MAU2: variants seen among roughly 807,000 people sequenced by gnomAD.
MAU2 encodes the protein MAU2 chromatid cohesion factor homolog.
A neutral mutation model predicts 89.1 loss-of-function variants in MAU2; 9 were observed. The observed-to-expected ratio is 0.10, with a 90% CI of 0.06 to 0.18. MAU2 has a LOEUF of 0.18. Ranked by LOEUF, MAU2 falls within the 10% of genes least tolerant of loss-of-function variation. The probability of loss-of-function intolerance (pLI) is 1.00; values close to 1 mark genes in which losing one functional copy is unlikely to be tolerated. For missense variants in MAU2, 425 were observed against 803.5 expected (o/e 0.53, Z 5.69); for synonymous variants, 357 against 343.4 (o/e 1.04, Z -0.44).
chr19:19,345,048 A>C lies in MAU2; in HGVS notation c.1155+122A>C. 1.1e-6 allele frequency: 1 copy of C among 927,946 alleles called. No individual in the cohort carries two copies. Among genetic ancestry groups the C allele is most frequent in the Non-Finnish European group, 1.7e-6 (1 of 593,456 alleles). The allele number at this position is 927,946 out of a possible 1,614,324, so 57.5% of individuals were successfully genotyped here. ...TGACAGCACCCTAATCAGAATCCGGAATGTTCCCATAGGTAATCATATAAC... is the reference window on the plus strand; with the variant it reads ...TGACAGCACCCTAATCAGAATCCGGCATGTTCCCATAGGTAATCATATAAC... On this transcript the variant is annotated intron_variant, in intron 11 of 18. Coordinates refer to ENST00000262815, the MANE Select transcript of MAU2 (RefSeq NM_015329.4). The surrounding 1 kb of genome is among the most constrained non-coding windows in gnomAD (Gnocchi z 4.9).
intron 4 of MAU2, among the ~76,000 whole-genome samples, chr19:19,337,628 A>G (rs1345582005): frequency 2.6e-5 from 4 of 152,138 alleles, no homozygotes; most frequent in Admixed American, 2.6e-4. Flanking sequence ...TTGAAATCCC[A>G]GGAACATTTC....
At chr19:19,329,619 A>G (rs1009136) in intron 1 of MAU2, among the ~76,000 whole-genome samples, 86,684 of 151,898 alleles carry the variant, frequency 0.57, 26,300 homozygotes, top group East Asian at 0.68. Context: ...AGGCCAGGGA[A>G]GCTGCTAAAT....
Position 19,329,374 on chromosome 19 carries a change from C to T in MAU2, c.277-6344C>T, listed in dbSNP as rs2061537023. Among the ~76,000 whole-genome samples, 5 of 152,314 alleles carry T rather than the reference C, an allele frequency of 3.3e-5. No individual in the cohort carries two copies. In the South Asian group the frequency reaches 8.3e-4, roughly 25 times the overall value. ...AATCTGTTTAGGAACCATCACCTCA[C>T]GGTTCTACCAGCTGGTCCCTTCCTC... On this transcript the variant is annotated intron_variant, in intron 1 of 18. Transcript: ENST00000262815.
chr19:19,342,601 G>A lies in MAU2; in HGVS notation c.802G>A (p.Asp268Asn). Residue 268 changes from aspartate to asparagine, a missense_variant, in exon 8 of 19, where the codon GAT (aspartate) becomes AAT (asparagine). This residue lies in a region of MAU2 where 119 missense variants were observed against 299.8 expected (regional missense o/e 0.40). Coordinates refer to ENST00000262815, the MANE Select transcript of MAU2 (RefSeq NM_015329.4). ...CATCCAGACCATCTCCACACTGCAC[G>A]ATGATGAGATCCTGCCCAGCAACCC... ...QCIQTISTLH[D>N]DEILPSNPAD... The A allele has an allele frequency of 6.2e-7, 1 of 1,613,042 alleles. No homozygotes were observed. The highest frequency in any genetic ancestry group is 8.5e-7 in the Non-Finnish European group (1 of 1,179,454).
rs745852781 is a variant in MAU2, at chr19:19,321,169, C to G, written c.276+34C>G. 26 of 1,548,108 alleles carry G rather than the reference C, an allele frequency of 1.7e-5. 1 individual carries two copies. Among genetic ancestry groups the G allele is most frequent in the South Asian group, 1.6e-4 (13 of 83,768 alleles). ...GGGCCGGGCCGCGAGGGAGGAGTCG[C>G]GGGCTCCTTGCAAGATCTGGGCTGA... On this transcript the variant is annotated intron_variant, in intron 1 of 18. Coordinates refer to ENST00000262815, the MANE Select transcript of MAU2 (RefSeq NM_015329.4).
chr19:19,340,499 C>T (rs1473917056), intron 5 of MAU2, among the ~76,000 whole-genome samples: 1 of 151,470 alleles, frequency 6.6e-6, no homozygotes, highest in East Asian at 2.0e-4. Context: ...ATTAGCCGGG[C>T]GTGGTGGCGG....
chr19:19,334,326 G>A, intron 1 of MAU2: 1 of 985,594 alleles, frequency 1.0e-6, no homozygotes, highest in Non-Finnish European at 1.2e-6. Flanking sequence ...TGTGGTCTGG[G>A]CTCCTGCGTG....
In MAU2 at chr19:19,355,148, C is replaced by T; in HGVS notation, c.1640-116C>T. 4.4e-6 allele frequency: 6 copies of T among 1,361,594 alleles called. No homozygotes were observed. The Admixed American group carries it at 8.3e-5, about 19-fold the overall frequency. The allele number at this position is 1,361,594 out of a possible 1,614,324, so 84.3% of individuals were successfully genotyped here. On this transcript the variant is annotated intron_variant, in intron 17 of 18. Coordinates refer to ENST00000262815, the MANE Select transcript of MAU2 (RefSeq NM_015329.4). Reference sequence around the variant, plus strand: ...CTCAGGTCCAGTGACGTGCCAGGCACCCAGAGATCCACCAGTGCAGCTGGG... The same window carrying T: ...CTCAGGTCCAGTGACGTGCCAGGCATCCAGAGATCCACCAGTGCAGCTGGG...
At chr19:19,322,776 A>G (rs2061471984) in intron 1 of MAU2, among the ~76,000 whole-genome samples, 1 of 152,210 alleles carries the variant, frequency 6.6e-6, no homozygotes, top group South Asian at 2.1e-4. Context: ...AAACTCATTA[A>G]TCTGAGGTAA....
intron 1 of MAU2, among the ~76,000 whole-genome samples, chr19:19,333,945 A>G (rs1211717683): frequency 6.6e-6 from 1 of 152,058 alleles, no homozygotes; most frequent in East Asian, 1.9e-4. Flanking sequence ...CCCAAATCAG[A>G]ACCACCAAAT....
rs767149784 is a variant in MAU2 at position 19,335,752 on chromosome 19, G to T, written c.294+17G>T. ...TCACAGCAAGTATCCTTTCCGTGTT[G>T]GTATGGTTCCCTTTAAGGAATTCTC... On this transcript the variant is annotated intron_variant, in intron 2 of 18. Coordinates refer to ENST00000262815, the MANE Select transcript of MAU2 (RefSeq NM_015329.4). 5 of 1,613,350 alleles carry T rather than the reference G, an allele frequency of 3.1e-6. No individual in the cohort carries two copies. In the Admixed American group the frequency reaches 8.3e-5, roughly 27 times the overall value.
chr19:19,340,919 G>A (rs2061639635), intron 6 of MAU2, 46 bp downstream of exon 6: 2 of 1,610,730 alleles, frequency 1.2e-6, no homozygotes, highest in East Asian at 4.5e-5. Flanking sequence ...TGTTGTGGAG[G>A]TGAGGCAGGG....
At chr19:19,343,531 CACATTTCT>C (rs1748984797) in intron 9 of MAU2, among the ~76,000 whole-genome samples, 5 of 152,220 alleles carry the variant, frequency 3.3e-5, no homozygotes, top group African/African-American at 7.2e-5. Context: ...GGGTGGTTTC[CACATTTCT>C]ACATTTCTAG....
At chr19:19,330,260 G>A (rs960395980) in intron 1 of MAU2, among the ~76,000 whole-genome samples, 6 of 151,624 alleles carry the variant, frequency 4.0e-5, no homozygotes, top group Admixed American at 6.6e-5. Context: ...GATTACAGGC[G>A]TGAGCCATTG....
chr19:19,344,721 G>T, intron 10 of MAU2, 128 bp from the exon 11 acceptor site: 2 of 708,122 alleles, frequency 2.8e-6, no homozygotes, highest in Non-Finnish European at 5.0e-6. Context: ...TGTCTGCTGG[G>T]GCTTTGTACC....
At chr19:19,347,643 C>G (rs2061704543) in intron 13 of MAU2, 1 of 336,338 alleles carries the variant, frequency 3.0e-6, no homozygotes, top group Non-Finnish European at 5.5e-6. Flanking sequence ...CAGACAAGGT[C>G]TTATAGCCCA....
chr19:19,343,890 A>G lies in MAU2; in HGVS notation c.1027A>G (p.Ile343Val), dbSNP rs756812879. 1.2e-6 allele frequency: 2 copies of G among 1,613,720 alleles called. No homozygotes were observed. The highest frequency in any genetic ancestry group is 1.7e-6 in the Non-Finnish European group (2 of 1,180,036). Residue 343 changes from isoleucine to valine, a missense_variant, in exon 10 of 19, where the codon ATC (isoleucine) becomes GTC (valine). Ile to Val is a conservative substitution (Grantham distance 29). Coordinates refer to ENST00000262815, the MANE Select transcript of MAU2 (RefSeq NM_015329.4). Reference protein sequence around the residue: ...SSFQVILLEHIIMCRLVTGHK... With the variant: ...SSFQVILLEHVIMCRLVTGHK... Reference sequence around the variant, plus strand: ...CTTCCAAGTGATCCTGCTGGAGCACATCATCATGTGCCGCCTTGTCACGGG... The same window carrying G: ...CTTCCAAGTGATCCTGCTGGAGCACGTCATCATGTGCCGCCTTGTCACGGG...
chr19:19,355,805 T>C lies in MAU2; in HGVS notation c.*23T>C, dbSNP rs2146716133. The C allele has an allele frequency of 6.3e-7, 1 of 1,598,420 alleles. No individual in the cohort carries two copies. Among genetic ancestry groups the C allele is most frequent in the East Asian group, 2.2e-5 (1 of 44,836 alleles). ...TGAGGCCTTGATGGGGCCATCCAGC[T>C]CCGCAGGGCCTGCGCGTCTCCGGCT... On this transcript the variant is annotated 3_prime_UTR_variant, in exon 19 of 19. Transcript: ENST00000262815.
At chr19:19,324,859 G>A (rs979140723) in intron 1 of MAU2, among the ~76,000 whole-genome samples, 6 of 152,090 alleles carry the variant, frequency 3.9e-5, no homozygotes, top group Admixed American at 6.5e-5. Context: ...TTCCACCAAC[G>A]TTTGTGAATT....
Sources: allele counts gnomAD v4.1 joint callset (sites outside exome capture counted in the v4.1 genomes callset), GRCh38; gene constraint gnomAD v4.1.1; regional missense constraint gnomAD v4.1.1; non-coding constraint Gnocchi (gnomAD v3.1); transcripts MANE v1.5; gene names NCBI Gene and HGNC (gene_info 2026-07-23, HGNC 2026-07-21).